The following KIF5C variants were observed in gnomAD, a reference collection of about 807,000 sequenced individuals.
The protein encoded by KIF5C is kinesin heavy chain isoform 5C.
In KIF5C, 18 loss-of-function variants were observed where a neutral mutation model predicts 125.2. The observed-to-expected ratio is 0.14, with a 90% CI of 0.10 to 0.21. KIF5C has a LOEUF of 0.21. Ranked by LOEUF, KIF5C falls within the 10% of genes least tolerant of loss-of-function variation. The pLI, the probability that KIF5C is intolerant of heterozygous loss-of-function variation, is 1.00. For missense variants in KIF5C, 780 were observed against 1,183.8 expected (o/e 0.66, Z 5.01); for synonymous variants, 405 against 434.0 (o/e 0.93, Z 0.83).
At chr2:148,997,362 A>G in intron 18 of KIF5C, 22 bp downstream of exon 18, 1 of 1,613,898 alleles carries the variant, frequency 6.2e-7, no homozygotes, top group Middle Eastern at 1.6e-4. Flanking sequence ...TGCCCCTTCC[A>G]TCAAGCCCAG....
rs760683142 is a variant in KIF5C, at chr2:149,010,360, G to A, written c.2767+9G>A. ...CCATTCAGCCCAGATCGGTACGTGC[G>A]TGCACAGTGGCGCCCGGGGTTTGAG... On this transcript the variant is annotated intron_variant, in intron 24 of 25. Coordinates refer to ENST00000435030, the MANE Select transcript of KIF5C (RefSeq NM_004522.3). The A allele has an allele frequency of 8.4e-6, 13 of 1,544,914 alleles. No homozygotes were observed. The highest frequency in any genetic ancestry group is 2.8e-5 in the African/African-American group (2 of 72,638).
chr2:148,882,358 G>C (rs751759406), intron 1 of KIF5C, among the ~76,000 whole-genome samples: 24 of 152,314 alleles, frequency 1.6e-4, no homozygotes, highest in Non-Finnish European at 3.4e-4. Flanking sequence ...CAGGCATCCA[G>C]ATAAGGCCCA....
intron 1 of KIF5C, 31 bp downstream of exon 1, chr2:148,875,774 T>C (rs775215346): frequency 4.4e-6 from 7 of 1,586,082 alleles, no homozygotes; most frequent in Middle Eastern, 1.9e-4. Flanking sequence ...CCTTCCCTGC[T>C]GCTCCGCGCC....
intron 19 of KIF5C, 185 bp downstream of exon 19, chr2:148,998,694 C>T (rs773602008): frequency 1.0e-4 from 103 of 990,658 alleles, no homozygotes; most frequent in Non-Finnish European, 1.4e-4. Context: ...AGCTGAGCCT[C>T]CTGGAGCCCT....
intron 25 of KIF5C, among the ~76,000 whole-genome samples, chr2:149,017,749 A>C (rs192212939): frequency 6.6e-6 from 1 of 152,328 alleles, no homozygotes; most frequent in African/African-American, 2.4e-5. Flanking sequence ...GAGTTGATTT[A>C]AATTATTTTA....
chr2:148,955,341 T>TA (rs1478581354), intron 10 of KIF5C, among the ~76,000 whole-genome samples: 1 of 152,182 alleles, frequency 6.6e-6, no homozygotes, highest in Non-Finnish European at 1.5e-5. Context: ...GCTTAGCACT[T>TA]ACAATCAGCT....
chr2:149,011,717 G>A (rs779322567), intron 25 of KIF5C, 34 bp downstream of exon 25: 1 of 1,613,196 alleles, frequency 6.2e-7, no homozygotes, highest in South Asian at 1.1e-5. Context: ...TTCTCTATCT[G>A]GAGGCAGAGG....
intron 10 of KIF5C, among the ~76,000 whole-genome samples, chr2:148,961,397 A>T (rs1682923318): frequency 6.6e-6 from 1 of 152,150 alleles, no homozygotes; most frequent in Non-Finnish European, 1.5e-5. Context: ...TGTTGATGTG[A>T]TAAATACATC....
At chr2:149,021,576 A>G (rs1473296426) in intron 25 of KIF5C, among the ~76,000 whole-genome samples, 1 of 152,188 alleles carries the variant, frequency 6.6e-6, no homozygotes, top group Non-Finnish European at 1.5e-5. Context: ...ATTATAACAT[A>G]TAAATCAGAA....
intron 3 of KIF5C, among the ~76,000 whole-genome samples, chr2:148,934,731 G>A (rs150137455): frequency 2.5e-4 from 38 of 151,254 alleles, no homozygotes; most frequent in African/African-American, 6.1e-4. Context: ...CATTCCCTAC[G>A]TCCATCTCAC....
At chr2:148,891,472 T>C (rs1172119664) in intron 1 of KIF5C, among the ~76,000 whole-genome samples, 1 of 152,038 alleles carries the variant, frequency 6.6e-6, no homozygotes, top group African/African-American at 2.4e-5. Flanking sequence ...ACTATAAATA[T>C]CAATTAGTCG....
At chr2:148,941,516 C>A in intron 4 of KIF5C, 94 bp from the exon 5 acceptor site, 2 of 1,479,402 alleles carry the variant, frequency 1.4e-6, no homozygotes, top group South Asian at 1.3e-5. Flanking sequence ...CTCTTCTTAG[C>A]CATGCATGAT....
In KIF5C at chr2:148,942,064, G is replaced by A. The variant is rs947856866; in HGVS notation, c.501+74G>A. The stretch of plus-strand genomic sequence containing the variant: ...TGTCATAATAATTATTACATAAGAT[G>A]TGCAGAATATTATCTGTAAAGAGCA... On this transcript the variant is annotated intron_variant, in intron 6 of 25. Transcript: ENST00000435030. The A allele has an allele frequency of 2.9e-5, 45 of 1,529,698 alleles. No homozygotes were observed. The East Asian group carries it at 9.3e-4, about 32-fold the overall frequency. The allele number at this position is 1,529,698 out of a possible 1,614,324, so 94.8% of individuals were successfully genotyped here.
intron 22 of KIF5C, among the ~76,000 whole-genome samples, 174 bp from the exon 23 acceptor site, chr2:149,007,788 CT>C (rs1682053079): frequency 6.6e-6 from 1 of 151,528 alleles, no homozygotes; most frequent in Non-Finnish European, 1.5e-5. Context: ...GCTTTTCATA[CT>C]AATAAGGGAA....
intron 25 of KIF5C, among the ~76,000 whole-genome samples, chr2:149,016,990 G>T (rs1682381592): frequency 6.6e-6 from 1 of 152,146 alleles, no homozygotes; most frequent in Admixed American, 6.5e-5. Context: ...AAGGAAGGTG[G>T]TCAGCTCAGA....
intron 11 of KIF5C, among the ~76,000 whole-genome samples, chr2:148,971,692 G>A (rs1026182758): frequency 2.6e-5 from 4 of 152,170 alleles, no homozygotes; most frequent in African/African-American, 7.2e-5. Flanking sequence ...TGCTTCAAAC[G>A]GAACTGTGAT....
At chr2:148,963,682 G>A (rs560520263) in intron 11 of KIF5C, among the ~76,000 whole-genome samples, 2 of 152,206 alleles carry the variant, frequency 1.3e-5, no homozygotes, top group Admixed American at 6.5e-5. Flanking sequence ...GTTTTATTTC[G>A]GGAATCCTCC....
In KIF5C at chr2:148,927,510, G is replaced by A. The variant is rs543131454; in HGVS notation, c.218-1771G>A. On this transcript the variant is annotated intron_variant, in intron 2 of 25. Coordinates refer to ENST00000435030, the MANE Select transcript of KIF5C (RefSeq NM_004522.3). The stretch of plus-strand genomic sequence containing the variant: ...GGTGTGTGTGTGTGTGTGTGTGTGT[G>A]TATAGGGGGGATGGTTAATTTCTAA... 7.6e-4 allele frequency among the ~76,000 whole-genome samples: 113 copies of A among 149,020 alleles called. 1 individual carries two copies. The highest frequency in any genetic ancestry group is 2.6e-3 in the African/African-American group (104 of 40,186).
At chr2:148,934,996 C>G (rs1158939683) in intron 3 of KIF5C, 3 of 331,654 alleles carry the variant, frequency 9.0e-6, no homozygotes, top group Admixed American at 8.3e-5. Flanking sequence ...ACATAAAGCC[C>G]TTACCACTCT....
Sources: allele counts gnomAD v4.1 joint callset (sites outside exome capture counted in the v4.1 genomes callset), GRCh38; gene constraint gnomAD v4.1.1; transcripts MANE v1.5; gene names NCBI Gene and HGNC (gene_info 2026-07-23, HGNC 2026-07-21).